HCN4: variants seen among roughly 807,000 people sequenced by gnomAD.
The protein encoded by HCN4 is hyperpolarization activated cyclic nucleotide gated potassium channel 4.
In HCN4, 29 loss-of-function variants were observed where a neutral mutation model predicts 76.9. The ratio of observed to expected loss-of-function variants is 0.38; its 90% CI spans 0.28 to 0.51. HCN4 has a LOEUF of 0.51. Among genes scored for constraint, HCN4 ranks in the 20% least tolerant of loss-of-function variants. The pLI, the probability that HCN4 is intolerant of heterozygous loss-of-function variation, is 0.90. For missense variants in HCN4, 1,416 were observed against 1,715.2 expected (o/e 0.83, Z 3.08); for synonymous variants, 772 against 762.5 (o/e 1.01, Z -0.21).
At chr15:73,341,629 C>T (rs994802746) in intron 2 of HCN4, among the ~76,000 whole-genome samples, 1 of 152,178 alleles carries the variant, frequency 6.6e-6, no homozygotes, top group Non-Finnish European at 1.5e-5. Flanking sequence ...TGCGCCATTC[C>T]ACTACACCGG....
At position 73,368,424 on chromosome 15, in the gene HCN4, G is replaced by A. The variant is rs2043141027; in HGVS notation, c.-154C>T. 1 of 449,646 alleles carries A rather than the reference G, an allele frequency of 2.2e-6. No individual in the cohort carries two copies. The highest frequency in any genetic ancestry group is 6.4e-5 in the South Asian group (1 of 15,564). 27.9% of individuals were successfully genotyped at this position (449,646 alleles called of 1,614,324 possible). A position where few individuals can be genotyped will look rare whatever the true frequency, so the allele number is the denominator to read the frequency against. ...AGGCGCCCATGCTTGGGCAGGCTGC[G>A]CGCCGCGGGGAGGATCCTAGTCCCG... On this transcript the variant is annotated 5_prime_UTR_variant, in exon 1 of 8. Transcript: ENST00000261917. The surrounding 1 kb of genome is among the most constrained non-coding windows in gnomAD (Gnocchi z 6.9).
At chr15:73,346,622 G>A (rs1243005833) in intron 1 of HCN4, among the ~76,000 whole-genome samples, 2 of 152,146 alleles carry the variant, frequency 1.3e-5, no homozygotes, top group African/African-American at 4.8e-5. Context: ...CACCTCCAGA[G>A]ACTCATGGTC....
chr15:73,325,533 C>A lies in HCN4; in HGVS notation c.1591-89G>T, dbSNP rs901075363. On this transcript the variant is annotated intron_variant, in intron 4 of 7. Coordinates refer to ENST00000261917, the MANE Select transcript of HCN4 (RefSeq NM_005477.3). This position sits in a 1 kb window ranked among gnomAD's most constrained non-coding sequence, Gnocchi z 7.4. Reference sequence around the variant, plus strand: ...CACCTCGGCAGGCACCACATCCGGGCACCCACCCCGGGGGATTTCCTGGCT... The same window carrying A: ...CACCTCGGCAGGCACCACATCCGGGAACCCACCCCGGGGGATTTCCTGGCT... 3 of 1,343,098 alleles carry A rather than the reference C, an allele frequency of 2.2e-6. No individual in the cohort carries two copies. Among genetic ancestry groups the A allele is most frequent in the African/African-American group, 1.4e-5 (1 of 69,686 alleles). The allele number at this position is 1,343,098 out of a possible 1,614,324, so 83.2% of individuals were successfully genotyped here. A position where few individuals can be genotyped will look rare whatever the true frequency, so the allele number is the denominator to read the frequency against.
chr15:73,367,271 G>A lies in HCN4; in HGVS notation c.785+215C>T, dbSNP rs137889000. 1.8e-3 allele frequency among the ~76,000 whole-genome samples: 276 copies of A among 152,230 alleles called. 1 individual carries two copies. The highest frequency in any genetic ancestry group is 6.4e-3 in the African/African-American group (266 of 41,564). On this transcript the variant is annotated intron_variant, in intron 1 of 7. Transcript: ENST00000261917. This position sits in a 1 kb window ranked among gnomAD's most constrained non-coding sequence, Gnocchi z 7.5. Reference sequence around the variant, plus strand: ...TTCATTCTGTCTCCAATGCAGCCCAGACCCGAGAAGACCAGTGACTGAACC... The same window carrying A: ...TTCATTCTGTCTCCAATGCAGCCCAAACCCGAGAAGACCAGTGACTGAACC...
At chr15:73,365,687 G>C (rs913520594) in intron 1 of HCN4, among the ~76,000 whole-genome samples, 5 of 152,222 alleles carry the variant, frequency 3.3e-5, no homozygotes, top group African/African-American at 4.8e-5. Flanking sequence ...CCCGGCCAAT[G>C]CTTGCTGCTG....
At chr15:73,356,595 G>A (rs896955348) in intron 1 of HCN4, among the ~76,000 whole-genome samples, 14 of 151,812 alleles carry the variant, frequency 9.2e-5, no homozygotes, top group African/African-American at 3.1e-4. Context: ...CCTATAAAGA[G>A]TAGCTAAATA....
chr15:73,327,171 A>G (rs924143720), intron 4 of HCN4, among the ~76,000 whole-genome samples: 3 of 149,640 alleles, frequency 2.0e-5, no homozygotes, highest in African/African-American at 7.4e-5. Context: ...CAGTGGTGCA[A>G]TCTTAGCTCA....
chr15:73,363,564 G>A (rs1567798989), intron 1 of HCN4, among the ~76,000 whole-genome samples: 1 of 152,162 alleles, frequency 6.6e-6, no homozygotes, highest in Non-Finnish European at 1.5e-5. Flanking sequence ...CCTCAACTTA[G>A]GGGGCCACAG....
intron 2 of HCN4, among the ~76,000 whole-genome samples, chr15:73,333,647 A>T (rs1472152431): frequency 6.6e-6 from 1 of 152,150 alleles, no homozygotes; most frequent in Non-Finnish European, 1.5e-5. Flanking sequence ...CAAAGCTGGG[A>T]GTCTTTCCAG....
At position 73,323,057 on chromosome 15, in the gene HCN4, C is replaced by T; in HGVS notation, c.3036G>A (p.Gly1012=). 1 of 1,534,428 alleles carries T rather than the reference C, an allele frequency of 6.5e-7. No individual in the cohort carries two copies. ...EPPSLVAGAS[G]GASPVGFTPR... Reference sequence around the variant, plus strand: ...GAGTAAAGCCTACAGGGGAAGCCCCCCCAGAGGCCCCTGCCACAAGGGACG... The same window carrying T: ...GAGTAAAGCCTACAGGGGAAGCCCCTCCAGAGGCCCCTGCCACAAGGGACG... The change falls in exon 8 of 8, where the codon GGG becomes GGA. Residue 1012 remains glycine, a synonymous_variant. Coordinates refer to ENST00000261917, the MANE Select transcript of HCN4 (RefSeq NM_005477.3).
Position 73,320,693 on chromosome 15 carries a change from C to G in HCN4, c.*1788G>C, listed in dbSNP as rs2042851947. Reference sequence around the variant, plus strand: ...CCCAGACAATCCCTTACCCTATCACCCAAGGCCGTCCCTCTGACCCCTCAG... The same window carrying G: ...CCCAGACAATCCCTTACCCTATCACGCAAGGCCGTCCCTCTGACCCCTCAG... On this transcript the variant is annotated 3_prime_UTR_variant, in exon 8 of 8. Coordinates refer to ENST00000261917, the MANE Select transcript of HCN4 (RefSeq NM_005477.3). The G allele has an allele frequency of 6.6e-6, 1 of 152,324 alleles. No individual in the cohort carries two copies. The highest frequency in any genetic ancestry group is 2.4e-5 in the African/African-American group (1 of 41,422). The allele number at this position is 152,324 out of a possible 1,614,324, so 9.4% of individuals were successfully genotyped here. A position where few individuals can be genotyped will look rare whatever the true frequency, so the allele number is the denominator to read the frequency against.
intron 1 of HCN4, among the ~76,000 whole-genome samples, chr15:73,351,326 TG>T (rs921278907): frequency 1.6e-4 from 24 of 152,194 alleles, no homozygotes; most frequent in African/African-American, 5.8e-4. Context: ...GTTATTCTGC[TG>T]CCTTGTAAAC....
Position 73,324,153 on chromosome 15 carries a change from C to T in HCN4, c.2079G>A (p.Leu693=). Residue 693 remains leucine, a synonymous_variant, in exon 7 of 8, where the codon CTG becomes CTA. Coordinates refer to ENST00000261917, the MANE Select transcript of HCN4 (RefSeq NM_005477.3). ...SLSVDNFNEV[L]EEYPMMRRAF... ...CCCTTCGCATCATGGGGTACTCCTC[C>T]AGCACCTCATTGAAGTTGTCCACGC... The T allele has an allele frequency of 6.2e-7, 1 of 1,614,064 alleles. No individual in the cohort carries two copies. The highest frequency in any genetic ancestry group is 1.7e-5 in the Admixed American group (1 of 60,032).
rs1449775616 is a variant in HCN4, at chr15:73,332,131, C to A, written c.1371G>T (p.Val457=). The change falls in exon 3 of 8, where the codon GTG becomes GTT. Residue 457 remains valine (V), a splice_region_variant and synonymous_variant. Coordinates refer to ENST00000261917, the MANE Select transcript of HCN4 (RefSeq NM_005477.3). ...DDCWVSINNM[V]NNSWGKQYSY... is the part of the protein sequence containing the mutation. The stretch of plus-strand genomic sequence containing the variant: ...AGAGGACCGGGCTGGGCGCACTCAC[C>A]ACCATGTTGTTGATGGACACCCAGC... 4 of 1,613,666 alleles carry A rather than the reference C, an allele frequency of 2.5e-6. No homozygotes were observed. Among genetic ancestry groups the A allele is most frequent in the Non-Finnish European group, 3.4e-6 (4 of 1,179,994 alleles).
rs2043143552 is a variant in HCN4, at chr15:73,368,807, C to A, written c.-537G>T. ...GGCCCGTCCGGCCCGTCCCGGGGCT[C>A]CCGCCGCAACCGAGCGGAGCCCAGC... On this transcript the variant is annotated 5_prime_UTR_variant, in exon 1 of 8. Coordinates refer to ENST00000261917, the MANE Select transcript of HCN4 (RefSeq NM_005477.3). The surrounding 1 kb of genome is among the most constrained non-coding windows in gnomAD (Gnocchi z 6.9). The A allele has an allele frequency of 6.6e-6, 1 of 152,108 alleles. No individual in the cohort carries two copies. Among genetic ancestry groups the A allele is most frequent in the African/African-American group, 2.4e-5 (1 of 41,446 alleles). 9.4% of individuals were successfully genotyped at this position (152,108 alleles called of 1,614,324 possible). A position where few individuals can be genotyped will look rare whatever the true frequency, so the allele number is the denominator to read the frequency against.
In HCN4 at chr15:73,324,820, C is replaced by T. The variant is rs575393305; in HGVS notation, c.1978+135G>A. 41 of 1,084,006 alleles carry T rather than the reference C, an allele frequency of 3.8e-5. No individual in the cohort carries two copies. In the Admixed American group the frequency reaches 8.7e-4, roughly 23 times the overall value. 67.1% of individuals were successfully genotyped at this position (1,084,006 alleles called of 1,614,324 possible). On this transcript the variant is annotated intron_variant, in intron 6 of 7. Coordinates refer to ENST00000261917, the MANE Select transcript of HCN4 (RefSeq NM_005477.3). ...AGAACCCAGACTGACTAAGACACCC[C>T]TACCCTGGGCTCACAGACACCTCCC...
rs779213932 is a variant in HCN4, at chr15:73,343,474, G to A, written c.1120C>T (p.Leu374=). Residue 374 remains leucine (L), a synonymous_variant, in exon 2 of 8, where the codon CTG becomes TTG. Transcript: ENST00000261917. The surrounding 1 kb of genome is among the most constrained non-coding windows in gnomAD (Gnocchi z 5.7). Reference sequence around the variant, plus strand: ...ATCTTCGTGAAGCGGACAATGCGCAGGGCCCGGGCAGTCTTGTAGACCTCC... The same window carrying A: ...ATCTTCGTGAAGCGGACAATGCGCAAGGCCCGGGCAGTCTTGTAGACCTCC... The part of the protein sequence containing the change: ...DSEVYKTARA[L]RIVRFTKILS... The A allele has an allele frequency of 1.2e-6, 2 of 1,614,232 alleles. No individual in the cohort carries two copies. The highest frequency in any genetic ancestry group is 1.3e-5 in the African/African-American group (1 of 75,052).
At chr15:73,345,315 A>T (rs560162240) in intron 1 of HCN4, among the ~76,000 whole-genome samples, 52 of 152,312 alleles carry the variant, frequency 3.4e-4, no homozygotes, top group African/African-American at 1.2e-3. Flanking sequence ...CCAGAGAGTC[A>T]GCTTTCTGCA....
intron 1 of HCN4, among the ~76,000 whole-genome samples, chr15:73,364,117 TC>T (rs1317022899): frequency 6.6e-6 from 1 of 152,090 alleles, no homozygotes; most frequent in African/African-American, 2.4e-5. Context: ...CCTCATGGCT[TC>T]AGGAGGCTCA....
Sources: allele counts gnomAD v4.1 joint callset (sites outside exome capture counted in the v4.1 genomes callset), GRCh38; gene constraint gnomAD v4.1.1; non-coding constraint Gnocchi (gnomAD v3.1); transcripts MANE v1.5; gene names NCBI Gene and HGNC (gene_info 2026-07-23, HGNC 2026-07-21).